Variants in NRXN3 observed in about 807,000 individuals in gnomAD.
The protein encoded by NRXN3 is neurexin 3, also known as neurexin III.
NRXN3 carries 32 observed loss-of-function variants against 137.6 expected under a neutral mutation model. The ratio of observed to expected loss-of-function variants is 0.23; its 90% CI spans 0.18 to 0.31. NRXN3 has a LOEUF of 0.31. NRXN3 is among the 10% of genes least tolerant of loss of function. The pLI, the probability that NRXN3 is intolerant of heterozygous loss-of-function variation, is 1.00. For missense variants in NRXN3, 1,574 were observed against 2,062.5 expected (o/e 0.76, Z 4.59); for synonymous variants, 798 against 784.5 (o/e 1.02, Z -0.29).
chr14:79,395,404 A>C (rs1199063051), intron 15 of NRXN3, among the ~76,000 whole-genome samples: 1 of 152,190 alleles, frequency 6.6e-6, no homozygotes, highest in Non-Finnish European at 1.5e-5. Flanking sequence ...CATAAAGGCA[A>C]AACAGTGCCT....
At chr14:79,222,641 A>G (rs976512409) in intron 15 of NRXN3, among the ~76,000 whole-genome samples, 2 of 152,112 alleles carry the variant, frequency 1.3e-5, no homozygotes, top group African/African-American at 4.8e-5. Flanking sequence ...GCATTCCCAC[A>G]ATCTATAGAT....
intron 2 of NRXN3, among the ~76,000 whole-genome samples, chr14:78,247,871 GA>G (rs1257317305): frequency 6.6e-6 from 1 of 152,180 alleles, no homozygotes; most frequent in Non-Finnish European, 1.5e-5. Context: ...TGGTTGTGAA[GA>G]ATTGATTTGG....
At chr14:79,539,499 A>G (rs938244994) in intron 16 of NRXN3, among the ~76,000 whole-genome samples, 1 of 152,210 alleles carries the variant, frequency 6.6e-6, no homozygotes, top group African/African-American at 2.4e-5. Flanking sequence ...CAATGTCTAT[A>G]TAAATAGATG....
At chr14:79,302,017 C>G (rs2085223910) in intron 15 of NRXN3, among the ~76,000 whole-genome samples, 1 of 151,950 alleles carries the variant, frequency 6.6e-6, no homozygotes, top group South Asian at 2.1e-4. Context: ...GGGAAGAAAA[C>G]ACTCCTTTTC....
chr14:78,964,806 C>T (rs1027177619), intron 11 of NRXN3, among the ~76,000 whole-genome samples: 1 of 151,080 alleles, frequency 6.6e-6, no homozygotes, highest in African/African-American at 2.4e-5. Flanking sequence ...TTTTCAAGCC[C>T]TCCTTATCCC....
intron 15 of NRXN3, among the ~76,000 whole-genome samples, chr14:79,234,053 G>T (rs980905997): frequency 6.6e-6 from 1 of 151,218 alleles, no homozygotes; most frequent in Non-Finnish European, 1.5e-5. Flanking sequence ...CTCTGGGAGT[G>T]AATAGGGGCT....
At chr14:78,987,970 T>C (rs1045089953) in intron 14 of NRXN3, 52 bp from the exon 15 acceptor site, 19 of 1,570,802 alleles carry the variant, frequency 1.2e-5, no homozygotes, top group African/African-American at 4.1e-5. Flanking sequence ...ATTTTTAACA[T>C]TTCTTCTCTC....
At chr14:78,451,708 A>C (rs2094555802) in intron 4 of NRXN3, among the ~76,000 whole-genome samples, 1 of 152,230 alleles carries the variant, frequency 6.6e-6, no homozygotes, top group Non-Finnish European at 1.5e-5. Flanking sequence ...GTATTTTAAG[A>C]GTCCTGCGTA....
chr14:79,629,552 G>A (rs190741106), intron 16 of NRXN3, among the ~76,000 whole-genome samples: 1 of 152,144 alleles, frequency 6.6e-6, no homozygotes, highest in African/African-American at 2.4e-5. Context: ...ATGGTGGGGG[G>A]TAGGGTTGGG....
chr14:79,316,749 TC>T (rs2088838042), intron 15 of NRXN3, among the ~76,000 whole-genome samples: 3 of 151,860 alleles, frequency 2.0e-5, no homozygotes, highest in Non-Finnish European at 4.4e-5. Flanking sequence ...TCTCTCTCTC[TC>T]TCTCTCTCTC....
At chr14:79,654,557 C>A (rs1465031130) in intron 16 of NRXN3, among the ~76,000 whole-genome samples, 1 of 152,078 alleles carries the variant, frequency 6.6e-6, no homozygotes, top group African/African-American at 2.4e-5. Context: ...TTTATAAAAA[C>A]AGGGAACAAT....
chr14:79,345,446 G>A (rs1483347866), intron 15 of NRXN3, among the ~76,000 whole-genome samples: 2 of 152,056 alleles, frequency 1.3e-5, no homozygotes, highest in Non-Finnish European at 2.9e-5. Flanking sequence ...CCTGTCCTCG[G>A]GGTGTTTATG....
At chr14:79,006,478 A>G (rs1236127765) in intron 15 of NRXN3, among the ~76,000 whole-genome samples, 2 of 152,228 alleles carry the variant, frequency 1.3e-5, no homozygotes, top group Non-Finnish European at 2.9e-5. Flanking sequence ...GTCAAAGTAT[A>G]GTAGTCAAAG....
At chr14:79,150,477 G>A (rs1400319023) in intron 15 of NRXN3, among the ~76,000 whole-genome samples, 1 of 151,870 alleles carries the variant, frequency 6.6e-6, no homozygotes, top group Non-Finnish European at 1.5e-5. Context: ...GCTAATTTCT[G>A]TGCATGTTCC....
intron 14 of NRXN3, among the ~76,000 whole-genome samples, chr14:78,970,215 A>G (rs1460984835): frequency 1.3e-5 from 2 of 152,212 alleles, no homozygotes; most frequent in Non-Finnish European, 2.9e-5. Flanking sequence ...CATTAACTCT[A>G]TGTCAGTGTT....
At chr14:78,536,545 A>C (rs1338316346) in intron 4 of NRXN3, among the ~76,000 whole-genome samples, 1 of 152,156 alleles carries the variant, frequency 6.6e-6, no homozygotes, top group Non-Finnish European at 1.5e-5. Context: ...AACTAGCTCT[A>C]GCTGGTCTGA....
At chr14:79,754,538 A>G (rs2099011743) in intron 19 of NRXN3, among the ~76,000 whole-genome samples, 2 of 110,658 alleles carry the variant, frequency 1.8e-5, no homozygotes, top group African/African-American at 4.3e-5. Flanking sequence ...ATATATATAT[A>G]TATATATATA....
chr14:79,845,801 ACG>A (rs2099366975), intron 20 of NRXN3, among the ~76,000 whole-genome samples: 8 of 73,368 alleles, frequency 1.1e-4, no homozygotes, highest in South Asian at 7.1e-4. Flanking sequence ...AGAGAGGGAG[ACG>A]GGGAGAGAGA....
intron 15 of NRXN3, among the ~76,000 whole-genome samples, chr14:79,026,424 A>G (rs941617778): frequency 2.6e-5 from 4 of 152,144 alleles, no homozygotes; most frequent in African/African-American, 7.2e-5. Flanking sequence ...CCTGCAGCCT[A>G]TGATGTGGCA....
Sources: allele counts gnomAD v4.1 joint callset (sites outside exome capture counted in the v4.1 genomes callset), GRCh38; gene constraint gnomAD v4.1.1; transcripts MANE v1.5; gene names NCBI Gene and HGNC (gene_info 2026-07-23, HGNC 2026-07-21).